The following ZSWIM6 variants were observed in gnomAD, a reference collection of about 807,000 sequenced individuals.
ZSWIM6 encodes the protein zinc finger SWIM domain-containing protein 6.
In ZSWIM6, 9 loss-of-function variants were observed where a neutral mutation model predicts 113.2. The ratio of observed to expected loss-of-function variants is 0.08; its 90% CI spans 0.05 to 0.14. The LOEUF (loss-of-function observed/expected upper bound fraction) is 0.14, where lower values mean the gene tolerates loss of function less well. ZSWIM6 is among the 10% of genes least tolerant of loss of function. The pLI is 1.00. For synonymous variants in ZSWIM6, 611 were observed against 606.5 expected, an observed-to-expected ratio of 1.01 and a Z score of -0.11; for missense variants, 1,162 against 1,552.2, an observed-to-expected ratio of 0.75 and a Z score of 4.22.
chr5:61,476,500 A>G (rs954870758), intron 2 of ZSWIM6, among the ~76,000 whole-genome samples: 7 of 152,214 alleles, frequency 4.6e-5, no homozygotes, highest in Non-Finnish European at 8.8e-5. Flanking sequence ...TTTTAATTAG[A>G]TTATAAAATT....
At chr5:61,369,957 A>T (rs762733511) in intron 1 of ZSWIM6, among the ~76,000 whole-genome samples, 1 of 152,238 alleles carries the variant, frequency 6.6e-6, no homozygotes, top group Non-Finnish European at 1.5e-5. Flanking sequence ...CAAACTACAA[A>T]ACAGAGGCTA....
chr5:61,447,082 A>G (rs1746970246), intron 1 of ZSWIM6, among the ~76,000 whole-genome samples: 1 of 152,108 alleles, frequency 6.6e-6, no homozygotes, highest in Admixed American at 6.5e-5. Flanking sequence ...GGCCAAACAC[A>G]GCACAGAAGA....
chr5:61,334,079 T>C (rs1325941404), intron 1 of ZSWIM6, among the ~76,000 whole-genome samples: 1 of 152,200 alleles, frequency 6.6e-6, no homozygotes, highest in Non-Finnish European at 1.5e-5. Context: ...AGTCTCTTTC[T>C]TTTCAGGGCT....
chr5:61,443,927 A>C (rs927356369), intron 1 of ZSWIM6, among the ~76,000 whole-genome samples: 4 of 152,172 alleles, frequency 2.6e-5, no homozygotes, highest in African/African-American at 9.6e-5. Flanking sequence ...CAGTTTGACT[A>C]TAAGCTAAGA....
intron 1 of ZSWIM6, among the ~76,000 whole-genome samples, chr5:61,457,819 A>G (rs924538345): frequency 6.6e-6 from 1 of 152,154 alleles, no homozygotes; most frequent in Non-Finnish European, 1.5e-5. Context: ...CGCTGCACCC[A>G]GCCCCATATA....
chr5:61,359,511 C>T (rs938296698), intron 1 of ZSWIM6, among the ~76,000 whole-genome samples: 9 of 152,072 alleles, frequency 5.9e-5, no homozygotes, highest in Admixed American at 6.5e-5. Context: ...TAGTTAAAGG[C>T]GTACACCAGG....
chr5:61,350,873 A>G (rs1237876655), intron 1 of ZSWIM6, among the ~76,000 whole-genome samples: 4 of 152,222 alleles, frequency 2.6e-5, no homozygotes, highest in Non-Finnish European at 5.9e-5. Context: ...ATGGGAATAC[A>G]TGAAAGTATT....
At chr5:61,524,351 T>C (rs1294975226) in intron 5 of ZSWIM6, among the ~76,000 whole-genome samples, 1 of 152,206 alleles carries the variant, frequency 6.6e-6, no homozygotes, top group Non-Finnish European at 1.5e-5. Context: ...CATCATTATT[T>C]ATGCCTCTCA....
At chr5:61,487,517 A>G (rs1016853611) in intron 2 of ZSWIM6, among the ~76,000 whole-genome samples, 4 of 152,100 alleles carry the variant, frequency 2.6e-5, no homozygotes, top group African/African-American at 9.7e-5. Context: ...CTTCTGATCC[A>G]TGAGTATGGG....
intron 1 of ZSWIM6, chr5:61,375,249 G>A: frequency 2.5e-6 from 4 of 1,612,620 alleles, no homozygotes; most frequent in Non-Finnish European, 3.4e-6. Flanking sequence ...AAGTAAAAGA[G>A]CAACTAGAAA....
At chr5:61,444,893 T>C (rs1036872610) in intron 1 of ZSWIM6, among the ~76,000 whole-genome samples, 1 of 152,172 alleles carries the variant, frequency 6.6e-6, no homozygotes, top group Non-Finnish European at 1.5e-5. Flanking sequence ...CTTTGAGTAG[T>C]GTCAATATTC....
At chr5:61,475,807 T>C (rs1324866134) in intron 2 of ZSWIM6, among the ~76,000 whole-genome samples, 1 of 152,186 alleles carries the variant, frequency 6.6e-6, no homozygotes, top group Non-Finnish European at 1.5e-5. Context: ...TTAAAAATGT[T>C]TTGCAGTTAC....
At chr5:61,539,561 T>A (rs530232904) in intron 11 of ZSWIM6, 35 bp from the exon 12 acceptor site, 2 of 1,533,280 alleles carry the variant, frequency 1.3e-6, no homozygotes, top group Non-Finnish European at 1.8e-6. Flanking sequence ...TTTGCTTTGA[T>A]TTGGTTTGGT....
chr5:61,496,270 T>C (rs771696075), intron 4 of ZSWIM6, among the ~76,000 whole-genome samples: 2 of 152,104 alleles, frequency 1.3e-5, no homozygotes, highest in Non-Finnish European at 2.9e-5. Flanking sequence ...GCCCAATCAT[T>C]ACTAGACTGC....
At chr5:61,376,646 C>G (rs1469599663) in intron 1 of ZSWIM6, among the ~76,000 whole-genome samples, 1 of 135,838 alleles carries the variant, frequency 7.4e-6, no homozygotes, top group African/African-American at 2.8e-5. Flanking sequence ...TTAATTTTGA[C>G]TACACTTTGG....
At chr5:61,371,670 A>G (rs1168673720) in intron 1 of ZSWIM6, among the ~76,000 whole-genome samples, 5 of 152,130 alleles carry the variant, frequency 3.3e-5, no homozygotes, top group Admixed American at 1.3e-4. Flanking sequence ...GCGTCCAGGG[A>G]GCAATTAGGA....
intron 1 of ZSWIM6, among the ~76,000 whole-genome samples, chr5:61,362,448 T>A (rs1291026867): frequency 2.0e-5 from 3 of 152,180 alleles, no homozygotes; most frequent in Non-Finnish European, 4.4e-5. Flanking sequence ...TCTGCCCACT[T>A]TGGCCTCCCA....
chr5:61,380,858 T>C (rs1745458605), intron 1 of ZSWIM6, among the ~76,000 whole-genome samples: 2 of 151,884 alleles, frequency 1.3e-5, no homozygotes, highest in East Asian at 1.9e-4. Context: ...CCCAGCACTT[T>C]GGGAGGCAGA....
At position 61,543,235 on chromosome 5, in the gene ZSWIM6, T is replaced by C. The variant is rs533753733; in HGVS notation, c.2786-220T>C. ...TACCAAGAGGATTGGTTCTTTATTA[T>C]AGCAAGTTCATGTTCCTTTCAGGCA... On this transcript the variant is annotated intron_variant, in intron 13 of 13. Transcript: ENST00000252744. This position sits in a 1 kb window ranked among gnomAD's most constrained non-coding sequence, Gnocchi z 4.3. 1.0e-3 allele frequency among the ~76,000 whole-genome samples: 154 copies of C among 152,262 alleles called. No individual in the cohort carries two copies. The highest frequency in any genetic ancestry group is 3.0e-3 in the African/African-American group (124 of 41,558).
Sources: allele counts gnomAD v4.1 joint callset (sites outside exome capture counted in the v4.1 genomes callset), GRCh38; gene constraint gnomAD v4.1.1; non-coding constraint Gnocchi (gnomAD v3.1); transcripts MANE v1.5; gene names NCBI Gene and HGNC (gene_info 2026-07-23, HGNC 2026-07-21).